The following NFYB variants were observed in gnomAD, a reference collection of about 807,000 sequenced individuals.
The protein encoded by NFYB is CAAT box DNA-binding protein subunit B.
In NFYB, 13 loss-of-function variants were observed where a neutral mutation model predicts 28.0. The ratio of observed to expected loss-of-function variants is 0.46; its 90% CI spans 0.30 to 0.74. NFYB has a LOEUF of 0.74. Ranked by LOEUF, NFYB falls within the 30% of genes least tolerant of loss-of-function variation. The pLI, the probability that NFYB is intolerant of heterozygous loss-of-function variation, is 0.07. For missense variants in NFYB, 142 were observed against 247.6 expected (o/e 0.57, Z 2.86); for synonymous variants, 74 against 75.0 (o/e 0.99, Z 0.07).
At chr12:104,125,064 G>C (rs1384358490) in intron 4 of NFYB, among the ~76,000 whole-genome samples, 3 of 151,716 alleles carry the variant, frequency 2.0e-5, no homozygotes, top group African/African-American at 7.3e-5. Flanking sequence ...GTTCTAAGAA[G>C]ACAAAACTAC....
At chr12:104,125,038 A>G (rs146765936) in intron 4 of NFYB, among the ~76,000 whole-genome samples, 73 of 152,324 alleles carry the variant, frequency 4.8e-4, no homozygotes, top group African/African-American at 1.6e-3. Context: ...ATGAGCAATG[A>G]CAATGAGTTT....
In NFYB at chr12:104,135,487, T is replaced by C; in HGVS notation, c.-34A>G. Reference sequence around the variant, plus strand: ...GTCAGAACCGTGTTGTCAGTGGTGCTGAAGAACACCTATCTAAAAAGGTGT... The same window carrying C: ...GTCAGAACCGTGTTGTCAGTGGTGCCGAAGAACACCTATCTAAAAAGGTGT... On this transcript the variant is annotated 5_prime_UTR_variant, in exon 2 of 8. Transcript: ENST00000240055. The C allele has an allele frequency of 6.4e-7, 1 of 1,564,026 alleles. No individual in the cohort carries two copies. Among genetic ancestry groups the C allele is most frequent in the African/African-American group, 1.4e-5 (1 of 72,254 alleles).
intron 4 of NFYB, among the ~76,000 whole-genome samples, chr12:104,123,910 G>A (rs561239161): frequency 2.2e-4 from 33 of 152,204 alleles, no homozygotes; most frequent in Admixed American, 8.5e-4. Flanking sequence ...GCAGTGAGCC[G>A]AGATTGAGCC....
chr12:104,125,849 C>CAA (rs374433754), intron 4 of NFYB, among the ~76,000 whole-genome samples: 3,589 of 71,838 alleles, frequency 0.05, 66 homozygotes, highest in Non-Finnish European at 0.068. Context: ...ACTCTGTCCC[C>CAA]AAAAAAAAAA....
chr12:104,134,737 T>C (rs2031043688), intron 2 of NFYB, among the ~76,000 whole-genome samples: 1 of 152,332 alleles, frequency 6.6e-6, no homozygotes, highest in African/African-American at 2.4e-5. Flanking sequence ...TCTATCTTCA[T>C]GGTTAATAAA....
intron 2 of NFYB, among the ~76,000 whole-genome samples, chr12:104,133,706 C>T (rs2031005270): frequency 6.6e-6 from 1 of 152,138 alleles, no homozygotes; most frequent in African/African-American, 2.4e-5. Flanking sequence ...TTAATTTACC[C>T]TTTTACCTGT....
At position 104,134,298 on chromosome 12, in the gene NFYB, T is replaced by C. The variant is rs567967089; in HGVS notation, c.6+1150A>G. ...CCTGTAGGGCATGTCTAATATCTCA[T>C]CACGGCAAATTTAAGATATTGGGAA... On this transcript the variant is annotated intron_variant, in intron 2 of 7. Coordinates refer to ENST00000240055, the MANE Select transcript of NFYB (RefSeq NM_006166.4). Among the ~76,000 whole-genome samples the C allele has an allele frequency of 2.0e-5, 3 of 152,296 alleles. No homozygotes were observed. In the East Asian group the frequency reaches 5.8e-4, roughly 29 times the overall value.
At chr12:104,136,898 T>C (rs904220912) in intron 1 of NFYB, among the ~76,000 whole-genome samples, 7 of 152,232 alleles carry the variant, frequency 4.6e-5, no homozygotes, top group African/African-American at 1.4e-4. Context: ...CCTCCATTCT[T>C]TGGCATCAAC....
At chr12:104,133,729 A>G (rs1303137277) in intron 2 of NFYB, among the ~76,000 whole-genome samples, 6 of 152,160 alleles carry the variant, frequency 3.9e-5, no homozygotes, top group African/African-American at 7.2e-5. Context: ...TCTGGGTTAC[A>G]TTCCTTTTAT....
chr12:104,119,853 TAA>T (rs1274670147), intron 7 of NFYB, 84 bp from the exon 8 acceptor site: 2 of 850,520 alleles, frequency 2.4e-6, no homozygotes, highest in Non-Finnish European at 3.8e-6. Context: ...ATTCAGTGAA[TAA>T]AAAGACAATA....
At chr12:104,124,173 T>C (rs565132680) in intron 4 of NFYB, among the ~76,000 whole-genome samples, 1 of 152,250 alleles carries the variant, frequency 6.6e-6, no homozygotes, top group East Asian at 1.9e-4. Context: ...AAACAGGAAC[T>C]AAAAAACTGA....
At chr12:104,131,621 G>GA (rs570329878) in intron 2 of NFYB, 74 of 390,820 alleles carry the variant, frequency 1.9e-4, no homozygotes, top group Non-Finnish European at 3.6e-4. Flanking sequence ...AAGAATGATG[G>GA]AAAAAAACTT....
At chr12:104,125,829 T>C (rs117142477) in intron 4 of NFYB, among the ~76,000 whole-genome samples, 7,537 of 87,040 alleles carry the variant, frequency 0.087, 247 homozygotes, top group South Asian at 0.16. Context: ...GCCTGGCCAA[T>C]AAGAGTGAAA....
chr12:104,137,722 G>C (rs2031165999), intron 1 of NFYB: 1 of 147,970 alleles, frequency 6.8e-6, no homozygotes, highest in African/African-American at 2.4e-5. Flanking sequence ...CCGGGGCTAC[G>C]GGGCCAGGGC....
At chr12:104,124,156 A>G (rs2030591903) in intron 4 of NFYB, among the ~76,000 whole-genome samples, 1 of 152,196 alleles carries the variant, frequency 6.6e-6, no homozygotes, top group Non-Finnish European at 1.5e-5. Flanking sequence ...CCAGAAAACA[A>G]AAAGCAAAAC....
chr12:104,128,276 G>A (rs772562277), intron 3 of NFYB, 148 bp downstream of exon 3: 29 of 451,050 alleles, frequency 6.4e-5, no homozygotes, highest in African/African-American at 3.4e-4. Flanking sequence ...AGCATGGTAC[G>A]CCTTTTTAGA....
chr12:104,137,172 G>A (rs2031132830), intron 1 of NFYB, among the ~76,000 whole-genome samples: 1 of 152,154 alleles, frequency 6.6e-6, no homozygotes, highest in Non-Finnish European at 1.5e-5. Flanking sequence ...GCGGGTTAGT[G>A]GGATGCCATT....
At chr12:104,131,941 T>A (rs1054372373) in intron 2 of NFYB, 1 of 357,038 alleles carries the variant, frequency 2.8e-6, no homozygotes, top group African/African-American at 2.1e-5. Flanking sequence ...CCACTTACCA[T>A]GAGACCGTGA....
At chr12:104,131,778 C>T (rs558931138) in intron 2 of NFYB, 8 of 455,934 alleles carry the variant, frequency 1.8e-5, no homozygotes, top group East Asian at 6.9e-5. Flanking sequence ...GTGCTGGTCA[C>T]GTAGCTGTCA....
Sources: allele counts gnomAD v4.1 joint callset (sites outside exome capture counted in the v4.1 genomes callset), GRCh38; gene constraint gnomAD v4.1.1; transcripts MANE v1.5; gene names NCBI Gene and HGNC (gene_info 2026-07-23, HGNC 2026-07-21).